The following CAMTA1 variants were observed in gnomAD, a reference collection of about 807,000 sequenced individuals.
CAMTA1 encodes the protein calmodulin-binding transcription activator 1.
CAMTA1 carries 27 observed loss-of-function variants against 170.9 expected under a neutral mutation model. The ratio of observed to expected loss-of-function variants is 0.16; its 90% CI spans 0.12 to 0.22. The LOEUF (loss-of-function observed/expected upper bound fraction) is 0.22. Among genes scored for constraint, CAMTA1 ranks in the 10% least tolerant of loss-of-function variants. The pLI, the probability that CAMTA1 is intolerant of heterozygous loss-of-function variation, is 1.00. For synonymous variants in CAMTA1, 833 were observed against 891.5 expected, an observed-to-expected ratio of 0.93 and a Z score of 1.17; for missense variants, 1,619 against 2,217.2, an observed-to-expected ratio of 0.73 and a Z score of 5.42.
intron 3 of CAMTA1, among the ~76,000 whole-genome samples, chr1:7,076,211 G>A (rs528834106): frequency 2.0e-5 from 3 of 152,314 alleles, no homozygotes; most frequent in Admixed American, 2.0e-4. Flanking sequence ...TGGACAAGAA[G>A]GGCCTCGTTT....
In CAMTA1 at chr1:6,798,741, C is replaced by T. The variant is rs905741529; in HGVS notation, c.45+13166C>T. Among the ~76,000 whole-genome samples, 82 of 132,412 alleles carry T rather than the reference C, an allele frequency of 6.2e-4. 10 individuals are homozygous for T. The highest frequency in any genetic ancestry group is 9.7e-4 in the Non-Finnish European group (58 of 59,500). The allele number at this position is 132,412 out of a possible 152,430, so 86.9% of individuals were successfully genotyped here. On this transcript the variant is annotated intron_variant, in intron 1 of 22. Transcript: ENST00000303635. ...CCTCCCGAGTAGCTGGGACTACAGGCGCCCGCCACCGCGCCCGGCTAATTT... is the reference window on the plus strand; with the variant it reads ...CCTCCCGAGTAGCTGGGACTACAGGTGCCCGCCACCGCGCCCGGCTAATTT...
chr1:7,250,287 C>T (rs556777577), intron 5 of CAMTA1, among the ~76,000 whole-genome samples: 24 of 152,292 alleles, frequency 1.6e-4, no homozygotes, highest in African/African-American at 5.1e-4. Context: ...TCCTCTTTGC[C>T]ATCGTTTGAG....
chr1:6,943,846 C>CAAAAAAAAAAAAAAAAAAAAA (rs1198830005), intron 3 of CAMTA1, among the ~76,000 whole-genome samples: 1 of 51,674 alleles, frequency 1.9e-5, no homozygotes, highest in Non-Finnish European at 3.8e-5. Flanking sequence ...GACTCTGTCT[C>CAAAAAAAAAAAAAAAAAAAAA]AAAAAAAAAA....
chr1:7,052,757 C>T (rs572555353), intron 3 of CAMTA1, among the ~76,000 whole-genome samples: 109 of 152,324 alleles, frequency 7.2e-4, no homozygotes, highest in African/African-American at 2.5e-3. Flanking sequence ...GCCTTCAGTT[C>T]CCAGCACCAG....
rs2092931975 is a variant in CAMTA1, at chr1:7,455,615, T to C, written c.439-12215T>C. Among the ~76,000 whole-genome samples the C allele has an allele frequency of 6.6e-6, 1 of 152,196 alleles. No individual in the cohort carries two copies. Among genetic ancestry groups the C allele is most frequent in the Admixed American group, 6.5e-5 (1 of 15,282 alleles). Reference sequence around the variant, plus strand: ...TCCCTGCCCAGACTCCCTGGCCACATGCAGCCGCACATGTTGGAGTGTGCC... The same window carrying C: ...TCCCTGCCCAGACTCCCTGGCCACACGCAGCCGCACATGTTGGAGTGTGCC... On this transcript the variant is annotated intron_variant, in intron 5 of 22. Transcript: ENST00000303635. The surrounding 1 kb of genome is among the most constrained non-coding windows in gnomAD (Gnocchi z 5.0).
chr1:7,664,230 C>G lies in CAMTA1; in HGVS notation c.1683C>G (p.Thr561=). 6.2e-7 allele frequency: 1 copy of G among 1,612,648 alleles called. No individual in the cohort carries two copies. The highest frequency in any genetic ancestry group is 8.5e-7 in the Non-Finnish European group (1 of 1,179,942). ...SAAAVAASSL[T]LTAGSSLLPS... ...CGGCTGTGGCAGCCAGCTCCCTCAC[C>G]CTGACCGCCGGCTCCAGCCTCCTGC... Residue 561 remains threonine, a synonymous_variant, in exon 9 of 23, where the codon ACC becomes ACG. Coordinates refer to ENST00000303635, the MANE Select transcript of CAMTA1 (RefSeq NM_015215.4).
chr1:7,487,176 G>A (rs1029179596), intron 6 of CAMTA1, among the ~76,000 whole-genome samples: 4 of 152,150 alleles, frequency 2.6e-5, no homozygotes, highest in African/African-American at 9.7e-5. Flanking sequence ...CCTCCCTCCT[G>A]TAGCAAGTGC....
chr1:7,373,243 C>A (rs569580712), intron 5 of CAMTA1, among the ~76,000 whole-genome samples: 1 of 152,202 alleles, frequency 6.6e-6, no homozygotes, highest in Non-Finnish European at 1.5e-5. Flanking sequence ...TACCCCGTCT[C>A]TGCCAGTCGT....
intron 6 of CAMTA1, among the ~76,000 whole-genome samples, chr1:7,626,323 T>C (rs2095633344): frequency 6.6e-6 from 1 of 152,170 alleles, no homozygotes; most frequent in African/African-American, 2.4e-5. Flanking sequence ...GTTTAGGTCT[T>C]TAACAGGATT....
chr1:7,703,324 G>T (rs1330511107), intron 11 of CAMTA1, among the ~76,000 whole-genome samples: 1 of 152,166 alleles, frequency 6.6e-6, no homozygotes, highest in African/African-American at 2.4e-5. Flanking sequence ...GCGAGGGGTA[G>T]ACAGGTGCAG....
chr1:7,446,596 C>T (rs1472360547), intron 5 of CAMTA1, among the ~76,000 whole-genome samples: 3 of 152,208 alleles, frequency 2.0e-5, no homozygotes, highest in Non-Finnish European at 4.4e-5. Flanking sequence ...GCAAACGGAG[C>T]TCATGTGGCT....
At chr1:6,829,481 C>T (rs1405477011) in intron 3 of CAMTA1, among the ~76,000 whole-genome samples, 1 of 152,166 alleles carries the variant, frequency 6.6e-6, no homozygotes, top group Non-Finnish European at 1.5e-5. Flanking sequence ...CAATACTGGT[C>T]CTCAGGTGGT....
At chr1:7,315,960 TG>T (rs1252176647) in intron 5 of CAMTA1, among the ~76,000 whole-genome samples, 1 of 152,190 alleles carries the variant, frequency 6.6e-6, no homozygotes, top group Non-Finnish European at 1.5e-5. Flanking sequence ...TCCATATGGC[TG>T]GGGAGGCCTC....
At chr1:6,932,637 T>C (rs980073320) in intron 3 of CAMTA1, among the ~76,000 whole-genome samples, 1 of 152,244 alleles carries the variant, frequency 6.6e-6, no homozygotes, top group African/African-American at 2.4e-5. Context: ...CCAGTTTCTC[T>C]ACATCCGCGC....
At chr1:7,737,865 A>G in intron 15 of CAMTA1, 94 bp from the exon 16 acceptor site, 1 of 1,330,370 alleles carries the variant, frequency 7.5e-7, no homozygotes, top group Non-Finnish European at 1.0e-6. Flanking sequence ...CCGGCTTTGC[A>G]CTTTGTGTCT....
intron 3 of CAMTA1, among the ~76,000 whole-genome samples, chr1:6,987,942 G>A (rs1695635489): frequency 6.6e-6 from 1 of 152,096 alleles, no homozygotes; most frequent in African/African-American, 2.4e-5. Flanking sequence ...ATCTCCTCCT[G>A]TAACTCTGTA....
chr1:7,212,123 C>A (rs1658879603), intron 4 of CAMTA1, among the ~76,000 whole-genome samples: 1 of 152,162 alleles, frequency 6.6e-6, no homozygotes, highest in Non-Finnish European at 1.5e-5. Flanking sequence ...TTTCTTTAGC[C>A]TGAGGGCATA....
rs2092975759 is a variant in CAMTA1, at chr1:7,457,107, T to G, written c.439-10723T>G. Reference sequence around the variant, plus strand: ...CGCCAACGTGCCCCTCACCCACCCCTGGCCTTCTCTGACTTGAGATTCATG... The same window carrying G: ...CGCCAACGTGCCCCTCACCCACCCCGGGCCTTCTCTGACTTGAGATTCATG... On this transcript the variant is annotated intron_variant, in intron 5 of 22. Transcript: ENST00000303635. Among the ~76,000 whole-genome samples, 4 of 96,912 alleles carry G rather than the reference T, an allele frequency of 4.1e-5. 1 individual carries two copies. In the South Asian group the frequency reaches 1.4e-3, roughly 35 times the overall value. The allele number at this position is 96,912 out of a possible 152,430, so 63.6% of individuals were successfully genotyped here.
At chr1:7,457,058 G>T (rs543917283) in intron 5 of CAMTA1, among the ~76,000 whole-genome samples, 1 of 38,542 alleles carries the variant, frequency 2.6e-5, no homozygotes, top group African/African-American at 1.2e-4. Flanking sequence ...CCCCTGCGCC[G>T]CCGTGCCCCT....
Sources: allele counts gnomAD v4.1 joint callset (sites outside exome capture counted in the v4.1 genomes callset), GRCh38; gene constraint gnomAD v4.1.1; non-coding constraint Gnocchi (gnomAD v3.1); transcripts MANE v1.5; gene names NCBI Gene and HGNC (gene_info 2026-07-23, HGNC 2026-07-21).